NDUFAF1: variants seen among roughly 807,000 people sequenced by gnomAD.
NDUFAF1 encodes complex I intermediate-associated protein 30, mitochondrial.
Under a neutral mutation model 28.7 loss-of-function variants are expected in NDUFAF1, and 18 were observed. That is an observed-to-expected ratio of 0.63 (90% CI 0.43 to 0.93). NDUFAF1 has a LOEUF of 0.93. Ranked by LOEUF, NDUFAF1 falls within the 40% of genes least tolerant of loss-of-function variation. The pLI, the probability that NDUFAF1 is intolerant of heterozygous loss-of-function variation, is 0.00. For synonymous variants in NDUFAF1, 113 were observed against 139.7 expected, an observed-to-expected ratio of 0.81 and a Z score of 1.35; for missense variants, 404 against 398.3, an observed-to-expected ratio of 1.01 and a Z score of -0.12.
At chr15:41,402,050 T>C (rs545837619) in intron 1 of NDUFAF1, 94 bp downstream of exon 1, 2 of 274,960 alleles carry the variant, frequency 7.3e-6, no homozygotes, top group African/African-American at 4.3e-5. Flanking sequence ...AACTATTAAC[T>C]GGACAATACC....
At position 41,399,855 on chromosome 15, in the gene NDUFAF1, CAAAAAAAAAAAAAAA is replaced by C. The variant is rs35139337; in HGVS notation, c.-82+2274_-82+2288del. Reference sequence around the variant, plus strand: ...TGGGCGACAGAGCGAGACTCCTTCTCAAAAAAAAAAAAAAAAAAAAAAAAAATACAAAAATTAGCT... The same window carrying C: ...TGGGCGACAGAGCGAGACTCCTTCTCAAAAAAAAAAATACAAAAATTAGCT... On this transcript the variant is annotated intron_variant, in intron 1 of 4. Transcript: ENST00000260361. Among the ~76,000 whole-genome samples, 5 of 42,038 alleles carry C rather than the reference CAAAAAAAAAAAAAAA, an allele frequency of 1.2e-4. No individual in the cohort carries two copies. The South Asian group carries it at 4.0e-3, about 33-fold the overall frequency. 27.6% of individuals were successfully genotyped at this position (42,038 alleles called of 152,430 possible).
chr15:41,393,291 ATTT>A (rs911259285), intron 3 of NDUFAF1, among the ~76,000 whole-genome samples: 20 of 93,628 alleles, frequency 2.1e-4, no homozygotes, highest in East Asian at 8.3e-4. Flanking sequence ...TGCCCGGCTA[ATTT>A]TTTTTTTTTT....
At chr15:41,400,688 A>ATTTTT (rs58010983) in intron 1 of NDUFAF1, among the ~76,000 whole-genome samples, 43 of 97,816 alleles carry the variant, frequency 4.4e-4, no homozygotes, top group African/African-American at 1.7e-3. Context: ...ATGCCCAGCT[A>ATTTTT]TTTTTTTTTT....
intron 1 of NDUFAF1, among the ~76,000 whole-genome samples, chr15:41,399,358 T>C (rs112201756): frequency 0.042 from 6,253 of 150,584 alleles, 247 homozygotes; most frequent in African/African-American, 0.1. Context: ...ATCGTGCCAT[T>C]GCACTCCAGC....
At chr15:41,402,078 G>T (rs2140933862) in intron 1 of NDUFAF1, 66 bp downstream of exon 1, 1 of 377,330 alleles carries the variant, frequency 2.7e-6, no homozygotes, top group Admixed American at 2.7e-5. Flanking sequence ...GGTTGACGGT[G>T]GGTTTTGACA....
rs557902327 is a variant in NDUFAF1, at chr15:41,392,769, G to A, written c.759+2090C>T. Among the ~76,000 whole-genome samples the A allele has an allele frequency of 3.2e-4, 49 of 152,192 alleles. No individual in the cohort carries two copies. The South Asian group carries it at 9.3e-3, about 29-fold the overall frequency. ...AGGTATTTCTTCATAGCAGCAGCAC[G>A]AGAACAGACTAATACAGCTTACATG... is the stretch of plus-strand genomic sequence containing the variant. On this transcript the variant is annotated intron_variant, in intron 3 of 4. Transcript: ENST00000260361.
intron 1 of NDUFAF1, among the ~76,000 whole-genome samples, chr15:41,399,161 G>A (rs530166887): frequency 4.6e-4 from 70 of 152,036 alleles, no homozygotes; most frequent in Non-Finnish European, 7.9e-4. Flanking sequence ...AACACTTCGG[G>A]AGGCCAGGGC....
At chr15:41,400,645 C>T (rs1383415274) in intron 1 of NDUFAF1, among the ~76,000 whole-genome samples, 1 of 150,548 alleles carries the variant, frequency 6.6e-6, no homozygotes, top group African/African-American at 2.4e-5. Context: ...GCCTCAGCCT[C>T]GCGAGTAGCT....
At chr15:41,388,627 C>A in intron 3 of NDUFAF1, 105 bp from the exon 4 acceptor site, 1 of 783,486 alleles carries the variant, frequency 1.3e-6, no homozygotes, top group Non-Finnish European at 2.2e-6. Context: ...AAAATTATGT[C>A]ATATATGTAT....
intron 3 of NDUFAF1, among the ~76,000 whole-genome samples, chr15:41,393,286 G>A (rs1039122103): frequency 2.2e-4 from 32 of 148,396 alleles, no homozygotes; most frequent in Non-Finnish European, 3.1e-4. Context: ...CACCATGCCC[G>A]GCTAATTTTT....
chr15:41,395,588 T>C (rs966770222), intron 2 of NDUFAF1, among the ~76,000 whole-genome samples: 13 of 151,040 alleles, frequency 8.6e-5, no homozygotes, highest in Admixed American at 2.6e-4. Context: ...GCCAGGATGG[T>C]CTCGATCTCC....
At position 41,394,985 on chromosome 15, in the gene NDUFAF1, A is replaced by C. The variant is rs1027741456; in HGVS notation, c.633T>G (p.Arg211=). ...TCCAAGGCCGACCATCCCCACGTAC[A>C]CGGAGATACAGAGTATTGAACTGGG... is the stretch of plus-strand genomic sequence containing the variant. ...DWSQFNTLYL[R]VRGDGRPWMV... The change falls in exon 3 of 5, where the codon CGT becomes CGG. Residue 211 remains arginine, a synonymous_variant. Coordinates refer to ENST00000260361, the MANE Select transcript of NDUFAF1 (RefSeq NM_016013.4). 1 of 1,614,108 alleles carries C rather than the reference A, an allele frequency of 6.2e-7. No homozygotes were observed. Among genetic ancestry groups the C allele is most frequent in the Non-Finnish European group, 8.5e-7 (1 of 1,180,018 alleles).
intron 2 of NDUFAF1, 30 bp from the exon 3 acceptor site, chr15:41,395,074 C>T: frequency 6.3e-7 from 1 of 1,599,904 alleles, no homozygotes. Context: ...GTTCATTGTA[C>T]CTCATTCTCC....
chr15:41,395,029 TCC>T lies in NDUFAF1; in HGVS notation c.587_588del (p.Arg196LysfsTer42), dbSNP rs1434405814. 6.2e-7 allele frequency: 1 copy of T among 1,614,042 alleles called. No individual in the cohort carries two copies. The highest frequency in any genetic ancestry group is 1.1e-5 in the South Asian group (1 of 91,076). The part of the protein sequence containing the change: ...ISRIPRGAFE[R>X]KMSYDWSQFN... Reference sequence around the variant, plus strand: ...AACTGGGACCAATCGTAAGACATCTTCCTCTCAAAAGCACCCTAAGATATTGA... The same window carrying T: ...AACTGGGACCAATCGTAAGACATCTTTCTCAAAAGCACCCTAAGATATTGA... On this transcript the variant is annotated frameshift_variant, in exon 3 of 5. Transcript: ENST00000260361. LOFTEE classifies it high-confidence loss of function.
intron 1 of NDUFAF1, among the ~76,000 whole-genome samples, chr15:41,399,486 G>A (rs1448370152): frequency 6.6e-6 from 1 of 151,524 alleles, no homozygotes; most frequent in Non-Finnish European, 1.5e-5. Context: ...GAACCTGGGA[G>A]GCAGAGGCTG....
At position 41,396,650 on chromosome 15, in the gene NDUFAF1, G is replaced by T. The variant is rs541516163; in HGVS notation, c.410C>A (p.Thr137Lys). 6.2e-7 allele frequency: 1 copy of T among 1,614,076 alleles called. No individual in the cohort carries two copies. Among genetic ancestry groups the T allele is most frequent in the South Asian group, 1.1e-5 (1 of 91,074 alleles). The change falls in exon 2 of 5, where the codon ACA becomes AAA. Residue 137 changes from threonine to lysine, a missense_variant. By Grantham distance (78) the Thr-to-Lys change is moderately conservative. Coordinates refer to ENST00000260361, the MANE Select transcript of NDUFAF1 (RefSeq NM_016013.4). ...FRGKEDLDKW[T>K]VTSDKTIGGR... ...TCCAATCGTCTTATCAGAAGTCACTGTCCACTTATCCAAATCTTCTTTCCC... is the reference window on the plus strand; with the variant it reads ...TCCAATCGTCTTATCAGAAGTCACTTTCCACTTATCCAAATCTTCTTTCCC...
At position 41,396,951 on chromosome 15, in the gene NDUFAF1, T is replaced by C; in HGVS notation, c.109A>G (p.Ser37Gly). The change falls in exon 2 of 5, where the codon AGT becomes GGT. Residue 37 changes from serine to glycine, a missense_variant. Transcript: ENST00000260361. ...FLGIRFAEYS[S>G]SLQKPVASPG... ...GAAGCCACTGGTTTCTGAAGACTAC[T>C]GGAATACTCTGCAAAGCGAATACCC... The C allele has an allele frequency of 1.2e-6, 2 of 1,613,160 alleles. No individual in the cohort carries two copies. Among genetic ancestry groups the C allele is most frequent in the Non-Finnish European group, 8.5e-7 (1 of 1,179,616 alleles).
Position 41,402,438 on chromosome 15 carries a change from G to T in NDUFAF1, c.-376C>A, listed in dbSNP as rs1418128756. The T allele has an allele frequency of 4.6e-6, 2 of 431,838 alleles. No individual in the cohort carries two copies. Among genetic ancestry groups the T allele is most frequent in the Non-Finnish European group, 9.4e-6 (2 of 212,590 alleles). 26.8% of individuals were successfully genotyped at this position (431,838 alleles called of 1,614,324 possible). On this transcript the variant is annotated 5_prime_UTR_variant, in exon 1 of 5. Transcript: ENST00000260361. ...GGGACACACCAACCGCCGGCCTGCC[G>T]CCGCTTACCTCCCCGAGCCTATAGT... is the stretch of plus-strand genomic sequence containing the variant.
At chr15:41,400,688 A>ATTTTTTTTTTTTTTTT (rs58010983) in intron 1 of NDUFAF1, among the ~76,000 whole-genome samples, 6 of 97,822 alleles carry the variant, frequency 6.1e-5, no homozygotes, top group African/African-American at 2.1e-4. Context: ...ATGCCCAGCT[A>ATTTTTTTTTTTTTTTT]TTTTTTTTTT....
Sources: gnomAD v4.1 joint callset for allele counts (sites outside exome capture counted in the v4.1 genomes callset) on GRCh38, gnomAD v4.1.1 for gene constraint, MANE v1.5 for transcripts, NCBI Gene and HGNC (gene_info 2026-07-23, HGNC 2026-07-21) for gene names.